ACLY: variants seen among roughly 807,000 people sequenced by gnomAD.
ACLY encodes ATP-citrate synthase.
A neutral mutation model predicts 133.0 loss-of-function variants in ACLY; 41 were observed. The ratio of observed to expected loss-of-function variants is 0.31; its 90% confidence interval spans 0.24 to 0.40. The LOEUF is 0.40. Ranked by LOEUF, ACLY falls within the 10% of genes least tolerant of loss-of-function variation. The pLI is 1.00. For synonymous variants in ACLY, 495 were observed against 549.3 expected (o/e 0.90, Z 1.38); for missense variants, 1,046 against 1,453.8 (o/e 0.72, Z 4.56).
intron 16 of ACLY, among the ~76,000 whole-genome samples, chr17:41,889,264 A>C (rs552201496): frequency 3.9e-5 from 6 of 152,036 alleles, no homozygotes; most frequent in Non-Finnish European, 8.8e-5. Flanking sequence ...CACGCCTGTA[A>C]TATCAGCACT....
At chr17:41,909,121 AGCACCCCAG>A in intron 5 of ACLY, 53 bp from the exon 6 acceptor site, 1 of 1,428,112 alleles carries the variant, frequency 7.0e-7, no homozygotes, top group South Asian at 1.2e-5. Context: ...GCAGCTCGGC[AGCACCCCAG>A]GCGCCCCGCA....
intron 12 of ACLY, 89 bp downstream of exon 12, chr17:41,898,542 G>A: frequency 6.7e-7 from 1 of 1,482,348 alleles, no homozygotes. Flanking sequence ...TTTCCTCTAT[G>A]CCCCCAGGGA....
At chr17:41,873,393 C>A (rs2048649610) in intron 23 of ACLY, among the ~76,000 whole-genome samples, 1 of 152,114 alleles carries the variant, frequency 6.6e-6, no homozygotes, top group Non-Finnish European at 1.5e-5. Context: ...GTTGGCCAGG[C>A]TGGTCTTGAA....
At chr17:41,912,206 C>T (rs560839920) in intron 3 of ACLY, among the ~76,000 whole-genome samples, 1 of 151,578 alleles carries the variant, frequency 6.6e-6, no homozygotes, top group Non-Finnish European at 1.5e-5. Flanking sequence ...ACCAATAAAA[C>T]AAAGAAGTTT....
Position 41,882,860 on chromosome 17 carries a change from C to G in ACLY, c.2265+262G>C, listed in dbSNP as rs563905722. On this transcript the variant is annotated intron_variant, in intron 20 of 28. Transcript: ENST00000352035. Reference sequence around the variant, plus strand: ...TCTCAGGGATGCCATCTCAACTTCTCCAGACAGCTGGTTGCTACCTACGCC... The same window carrying G: ...TCTCAGGGATGCCATCTCAACTTCTGCAGACAGCTGGTTGCTACCTACGCC... Among the ~76,000 whole-genome samples the G allele has an allele frequency of 5.3e-5, 8 of 152,278 alleles. No individual in the cohort carries two copies. The South Asian group carries it at 1.7e-3, about 32-fold the overall frequency.
chr17:41,905,387 A>G (rs1446272971), intron 9 of ACLY, 135 bp downstream of exon 9: 2 of 1,214,074 alleles, frequency 1.6e-6, no homozygotes, highest in East Asian at 4.9e-5. Context: ...TGAGAGCCAA[A>G]GTTCAATGAT....
chr17:41,904,807 A>C lies in ACLY; in HGVS notation c.1004-17T>G, dbSNP rs1196919860. 1 of 1,611,658 alleles carries C rather than the reference A, an allele frequency of 6.2e-7. No homozygotes were observed. Among genetic ancestry groups the C allele is most frequent in the African/African-American group, 1.3e-5 (1 of 74,848 alleles). The stretch of plus-strand genomic sequence containing the variant: ...GGATCTTGCCTGGATTTGGAGTAAG[A>C]GAGAATCAAAAACAGTTACATAGGT... On this transcript the variant is annotated splice_polypyrimidine_tract_variant and intron_variant, in intron 9 of 28. Transcript: ENST00000352035.
At chr17:41,921,110 G>A (rs1310097661), upstream of ACLY, among the ~76,000 whole-genome samples, 3 of 132,186 alleles carry the variant, frequency 2.3e-5, no homozygotes, top group Admixed American at 8.4e-5. Context: ...GGGGCAACAA[G>A]ACCAAAACTC....
chr17:41,885,318 T>A (rs893133812), intron 18 of ACLY, among the ~76,000 whole-genome samples: 1 of 152,102 alleles, frequency 6.6e-6, no homozygotes, highest in East Asian at 1.9e-4. Flanking sequence ...CCTAAAGACC[T>A]TGGTGAGAGT....
In ACLY at chr17:41,871,716, G is replaced by C. The variant is rs782466847; in HGVS notation, c.2910C>G (p.Ile970Met). 1 of 1,614,110 alleles carries C rather than the reference G, an allele frequency of 6.2e-7. No homozygotes were observed. The highest frequency in any genetic ancestry group is 1.1e-5 in the South Asian group (1 of 91,080). ...ACTTCACTCGGTGACCAATGCCCAT[G>C]ATCAGCTTCCCTTCCTTCTTCATCT... is the stretch of plus-strand genomic sequence containing the variant. Reference protein sequence around the residue: ...VNKMKKEGKLIMGIGHRVKSI... With the variant: ...VNKMKKEGKLMMGIGHRVKSI... Residue 970 changes from isoleucine (I) to methionine (M), a missense_variant, in exon 25 of 29, where the codon ATC becomes ATG. Around this residue, in one of 4 missense-constraint regions of ACLY, gnomAD observed 205 missense variants for 373.3 expected, o/e 0.55. Coordinates refer to ENST00000352035, the MANE Select transcript of ACLY (RefSeq NM_001096.3).
At chr17:41,903,207 A>AT (rs1481221832) in intron 10 of ACLY, among the ~76,000 whole-genome samples, 2 of 152,196 alleles carry the variant, frequency 1.3e-5, no homozygotes, top group Non-Finnish European at 2.9e-5. Flanking sequence ...CTCACTGAGC[A>AT]TCTGACAGCA....
chr17:41,886,999 C>T (rs2049064344), intron 17 of ACLY, among the ~76,000 whole-genome samples: 1 of 151,676 alleles, frequency 6.6e-6, no homozygotes, highest in African/African-American at 2.4e-5. Context: ...TGGTTCACAC[C>T]TATAGTCCCA....
At chr17:41,878,759 G>A in intron 21 of ACLY, 38 bp downstream of exon 21, 1 of 1,611,896 alleles carries the variant, frequency 6.2e-7, no homozygotes, top group Non-Finnish European at 8.5e-7. Context: ...GATTTGGAAA[G>A]GAGGGGGAGG....
intron 6 of ACLY, 42 bp from the exon 7 acceptor site, chr17:41,907,614 G>A (rs782038648): frequency 6.2e-7 from 1 of 1,602,244 alleles, no homozygotes; most frequent in Admixed American, 1.7e-5. Context: ...CCGGCTCTGG[G>A]TAGAGACAAC....
intron 16 of ACLY, among the ~76,000 whole-genome samples, chr17:41,888,328 T>C (rs1567895662): frequency 6.6e-6 from 1 of 152,160 alleles, no homozygotes; most frequent in South Asian, 2.1e-4. Flanking sequence ...TCATAGCAGC[T>C]ACGTTCACTC....
At chr17:41,873,632 G>A (rs976021330) in intron 23 of ACLY, among the ~76,000 whole-genome samples, 179 bp downstream of exon 23, 3 of 152,156 alleles carry the variant, frequency 2.0e-5, no homozygotes, top group African/African-American at 7.2e-5. Context: ...TGGACTTTCT[G>A]TCCTTGGAAG....
In ACLY at chr17:41,912,479, T is replaced by G. The variant is rs1058875; in HGVS notation, c.223A>C (p.Asn75His). The G allele has an allele frequency of 1.9e-6, 3 of 1,614,144 alleles. No individual in the cohort carries two copies. The highest frequency in any genetic ancestry group is 2.7e-5 in the African/African-American group (2 of 74,954). Residue 75 changes from asparagine (N) to histidine (H), a missense_variant, in exon 3 of 29, where the codon AAC becomes CAC. Coordinates refer to ENST00000352035, the MANE Select transcript of ACLY (RefSeq NM_001096.3). ...RRGKLGLVGVNLTLDGVKSWL... is the reference protein window; with the variant it reads ...RRGKLGLVGVHLTLDGVKSWL... Reference sequence around the variant, plus strand: ...GACTTGACCCCATCCAGAGTGAGGTTGACCCCAACGAGACCAAGTTTTCCA... The same window carrying G: ...GACTTGACCCCATCCAGAGTGAGGTGGACCCCAACGAGACCAAGTTTTCCA...
upstream of ACLY, among the ~76,000 whole-genome samples, chr17:41,923,914 G>T (rs570138859): frequency 7.2e-5 from 11 of 152,098 alleles, no homozygotes; most frequent in South Asian, 2.1e-3. Flanking sequence ...AGGTTCAAAC[G>T]ATTCTCCTGC....
chr17:41,915,050 C>T (rs782779015), intron 1 of ACLY, among the ~76,000 whole-genome samples: 38 of 152,278 alleles, frequency 2.5e-4, no homozygotes, highest in Middle Eastern at 3.4e-3. Context: ...CCCAAACCCT[C>T]TTACACCTAG....
Sources: allele counts gnomAD v4.1 joint callset (sites outside exome capture counted in the v4.1 genomes callset), GRCh38; gene constraint gnomAD v4.1.1; regional missense constraint gnomAD v4.1.1; transcripts MANE v1.5; gene names NCBI Gene and HGNC (gene_info 2026-07-23, HGNC 2026-07-21).